RNF10: variants seen among roughly 807,000 people sequenced by gnomAD.
The protein encoded by RNF10 is ring finger protein 10.
A neutral mutation model predicts 91.4 loss-of-function variants in RNF10; 38 were observed. That is an observed-to-expected ratio of 0.42 (90% confidence interval 0.32 to 0.54). The LOEUF (loss-of-function observed/expected upper bound fraction) is 0.54, where lower values mean the gene tolerates loss of function less well. Ranked by LOEUF, RNF10 falls within the 20% of genes least tolerant of loss-of-function variation. RNF10 has a pLI of 0.16. For synonymous variants in RNF10, 364 were observed against 366.3 expected (o/e 0.99, Z 0.07); for missense variants, 945 against 1,012.0 (o/e 0.93, Z 0.90).
At chr12:120,545,077 C>T (rs533686651) in intron 1 of RNF10, among the ~76,000 whole-genome samples, 2 of 152,224 alleles carry the variant, frequency 1.3e-5, no homozygotes, top group African/African-American at 4.8e-5. Flanking sequence ...AAGGAAAACA[C>T]TGTTAATGAG....
In RNF10 at chr12:120,566,102, C is replaced by T. The variant is rs113611687; in HGVS notation, c.1885+573C>T. On this transcript the variant is annotated intron_variant, in intron 12 of 16. Transcript: ENST00000325954. ...GAGTCCTTGGCCCAGAAAAGGACTT[C>T]GGTGTTTTGACTCCATATGGCATGG... 3.9e-5 allele frequency among the ~76,000 whole-genome samples: 6 copies of T among 152,246 alleles called. No individual in the cohort carries two copies. In the South Asian group the frequency reaches 6.2e-4, roughly 16 times the overall value.
In RNF10 at chr12:120,552,485, C is replaced by T. The variant is rs1298118401; in HGVS notation, c.355-14C>T. ...TCCTAATCTGAAATACTGATTCATT[C>T]TCATTCTCTCTAGGTAGCAGAGGCT... On this transcript the variant is annotated splice_polypyrimidine_tract_variant and intron_variant, in intron 2 of 16. Coordinates refer to ENST00000325954, the MANE Select transcript of RNF10 (RefSeq NM_014868.5). 1 of 1,608,746 alleles carries T rather than the reference C, an allele frequency of 6.2e-7. No homozygotes were observed. The highest frequency in any genetic ancestry group is 1.7e-5 in the Admixed American group (1 of 59,728).
chr12:120,552,548 C>G lies in RNF10; in HGVS notation c.404C>G (p.Pro135Arg). The G allele has an allele frequency of 6.2e-7, 1 of 1,614,170 alleles. No homozygotes were observed. The highest frequency in any genetic ancestry group is 8.5e-7 in the Non-Finnish European group (1 of 1,180,028). Residue 135 changes from proline (P) to arginine (R), a missense_variant, in exon 3 of 17, where the codon CCT becomes CGT. By Grantham distance (103) the Pro-to-Arg change is moderately radical. Coordinates refer to ENST00000325954, the MANE Select transcript of RNF10 (RefSeq NM_014868.5). ...TTTAGCCCTGCCCAGTTCTCTGGTCCTAAGAAGATCAACCTGAACCACTTG... is the reference window on the plus strand; with the variant it reads ...TTTAGCCCTGCCCAGTTCTCTGGTCGTAAGAAGATCAACCTGAACCACTTG... ...AEFSPAQFSG[P>R]KKINLNHLLN...
intron 12 of RNF10, among the ~76,000 whole-genome samples, chr12:120,566,174 C>G (rs1310593687): frequency 6.6e-6 from 1 of 152,158 alleles, no homozygotes; most frequent in African/African-American, 2.4e-5. Context: ...TACTTGGGGT[C>G]CCAACACCGT....
chr12:120,557,573 T>C lies in RNF10; in HGVS notation c.858T>C (p.Tyr286=). The C allele has an allele frequency of 1.2e-6, 2 of 1,614,206 alleles. No individual in the cohort carries two copies. The highest frequency in any genetic ancestry group is 1.7e-6 in the Non-Finnish European group (2 of 1,180,022). The change falls in exon 6 of 17, where the codon TAT becomes TAC. Residue 286 remains tyrosine (Y), a synonymous_variant. Transcript: ENST00000325954. The stretch of plus-strand genomic sequence containing the variant: ...TTGTTGCCACAGAGTCACATCAGTA[T>C]GTTGTTGGTGATACCATTACGATGC... ...KSVVATESHQ[Y]VVGDTITMQL...
chr12:120,556,997 A>T (rs1451454389), intron 4 of RNF10, among the ~76,000 whole-genome samples: 1 of 151,024 alleles, frequency 6.6e-6, no homozygotes, highest in East Asian at 2.0e-4. Flanking sequence ...CTAAAAAATT[A>T]GCTGAGCGTG....
chr12:120,565,407 T>C (rs368816127), intron 11 of RNF10, 21 bp from the exon 12 acceptor site: 1 of 1,612,170 alleles, frequency 6.2e-7, no homozygotes, highest in Non-Finnish European at 8.5e-7. Context: ...TCTACCTCTT[T>C]ACAACCTGAC....
At chr12:120,550,043 C>A (rs983454433) in intron 2 of RNF10, among the ~76,000 whole-genome samples, 3 of 152,138 alleles carry the variant, frequency 2.0e-5, no homozygotes, top group Admixed American at 6.6e-5. Flanking sequence ...TCTAATAGAT[C>A]AAGCCATGTG....
At chr12:120,551,213 T>G (rs1443045273) in intron 2 of RNF10, among the ~76,000 whole-genome samples, 1 of 150,864 alleles carries the variant, frequency 6.6e-6, no homozygotes, top group Non-Finnish European at 1.5e-5. Context: ...CTCAAACTCC[T>G]GGCCTCAAAT....
rs370089454 is a variant in RNF10, at chr12:120,546,395, T to A, written c.158-10T>A. 8 of 1,602,360 alleles carry A rather than the reference T, an allele frequency of 5.0e-6. No homozygotes were observed. The highest frequency in any genetic ancestry group is 6.8e-6 in the Non-Finnish European group (8 of 1,175,096). The stretch of plus-strand genomic sequence containing the variant: ...TTCTTAAGACGTTCTTTTGTGTTTC[T>A]TGCTTTCAGATGGAAAGAACTCCAG... On this transcript the variant is annotated splice_polypyrimidine_tract_variant and intron_variant, in intron 1 of 16. Coordinates refer to ENST00000325954, the MANE Select transcript of RNF10 (RefSeq NM_014868.5).
intron 4 of RNF10, 125 bp from the exon 5 acceptor site, chr12:120,557,157 G>T (rs1167539775): frequency 1.9e-5 from 14 of 754,878 alleles, no homozygotes; most frequent in Non-Finnish European, 3.1e-5. Context: ...AAGATATGTT[G>T]AGTATAAGGA....
At chr12:120,544,018 A>G (rs1871937960) in intron 1 of RNF10, among the ~76,000 whole-genome samples, 1 of 151,628 alleles carries the variant, frequency 6.6e-6, no homozygotes, top group African/African-American at 2.4e-5. Context: ...ACTTGAGGTC[A>G]GGAGGTCGAG....
intron 1 of RNF10, among the ~76,000 whole-genome samples, chr12:120,544,586 G>C (rs1292211013): frequency 6.6e-6 from 1 of 152,102 alleles, no homozygotes; most frequent in East Asian, 1.9e-4. Context: ...GAGCCTGAGA[G>C]GTGGAGGTTG....
At chr12:120,553,705 G>T (rs1393697718) in intron 3 of RNF10, among the ~76,000 whole-genome samples, 1 of 151,790 alleles carries the variant, frequency 6.6e-6, no homozygotes, top group African/African-American at 2.4e-5. Context: ...ACCCAACCAG[G>T]AAGAGAAAAT....
At chr12:120,535,867 T>C (rs146999993) in intron 1 of RNF10, among the ~76,000 whole-genome samples, 39 of 152,350 alleles carry the variant, frequency 2.6e-4, no homozygotes, top group African/African-American at 9.4e-4. Flanking sequence ...CTGACTTGTC[T>C]ACCAGGGTGA....
At chr12:120,535,074 T>C in intron 1 of RNF10, 106 bp downstream of exon 1, 28 of 1,233,852 alleles carry the variant, frequency 2.3e-5, no homozygotes, top group Non-Finnish European at 3.0e-5. Context: ...CACTTTCTTT[T>C]ATAGCTCCTA....
intron 4 of RNF10, among the ~76,000 whole-genome samples, chr12:120,556,640 AT>A (rs1874072829): frequency 6.6e-6 from 1 of 151,796 alleles, no homozygotes; most frequent in Admixed American, 6.6e-5. Context: ...TTAAAAAAAA[AT>A]GAAGTCTTTT....
Position 120,562,357 on chromosome 12 carries a change from C to T in RNF10, c.1129-588C>T, listed in dbSNP as rs1239745379. On this transcript the variant is annotated intron_variant, in intron 7 of 16. Coordinates refer to ENST00000325954, the MANE Select transcript of RNF10 (RefSeq NM_014868.5). ...TGGCGTGATCTCGGCTCATCACAAC[C>T]TCTGCCTCCAAGGTTCAAGTGATTC... 4.9e-5 allele frequency among the ~76,000 whole-genome samples: 7 copies of T among 143,446 alleles called. No individual in the cohort carries two copies. In the Admixed American group the frequency reaches 5.5e-4, roughly 11 times the overall value. The allele number at this position is 143,446 out of a possible 152,430, so 94.1% of individuals were successfully genotyped here. A position where few individuals can be genotyped will look rare whatever the true frequency, so the allele number is the denominator to read the frequency against.
intron 1 of RNF10, among the ~76,000 whole-genome samples, chr12:120,541,873 C>A (rs1446630580): frequency 7.0e-6 from 1 of 143,604 alleles, no homozygotes; most frequent in African/African-American, 2.6e-5. Context: ...TTATCTTTTT[C>A]TTTTTTTTTT....
Sources: gnomAD v4.1 joint callset for allele counts (sites outside exome capture counted in the v4.1 genomes callset) on GRCh38, gnomAD v4.1.1 for gene constraint, MANE v1.5 for transcripts, NCBI Gene and HGNC (gene_info 2026-07-23, HGNC 2026-07-21) for gene names.